Variants in FAM117B observed in about 807,000 individuals in gnomAD.
FAM117B encodes the protein family with sequence similarity 117 member B.
Under a neutral mutation model 52.8 loss-of-function variants are expected in FAM117B, and 22 were observed. The observed-to-expected ratio is 0.42, with a 90% CI of 0.30 to 0.59. FAM117B has a LOEUF of 0.59. Ranked by LOEUF, FAM117B falls within the 20% of genes least tolerant of loss-of-function variation. FAM117B has a pLI of 0.22. For missense variants in FAM117B, 678 were observed against 802.6 expected (o/e 0.84, Z 1.88); for synonymous variants, 309 against 324.1 (o/e 0.95, Z 0.50).
intron 1 of FAM117B, among the ~76,000 whole-genome samples, chr2:202,651,951 G>T (rs1029199062): frequency 1.1e-4 from 17 of 151,586 alleles, no homozygotes; most frequent in African/African-American, 3.9e-4. Context: ...TGCTTGGGAG[G>T]CTGAGGCAAG....
intron 1 of FAM117B, among the ~76,000 whole-genome samples, chr2:202,648,917 C>T (rs1473161014): frequency 6.6e-6 from 1 of 151,970 alleles, no homozygotes; most frequent in East Asian, 1.9e-4. Context: ...GCACACCTGG[C>T]TAATTTTTGT....
intron 4 of FAM117B, among the ~76,000 whole-genome samples, chr2:202,739,990 G>A (rs889850761): frequency 2.2e-4 from 33 of 151,544 alleles, no homozygotes; most frequent in Admixed American, 1.6e-3. Context: ...TGGCTAACAT[G>A]GTGAAACCCT....
chr2:202,749,185 C>T (rs1691682927), intron 4 of FAM117B, among the ~76,000 whole-genome samples: 1 of 151,980 alleles, frequency 6.6e-6, no homozygotes, highest in South Asian at 2.1e-4. Context: ...TCTTTACTAT[C>T]CTTTATGTCC....
chr2:202,638,733 C>T (rs1452241337), intron 1 of FAM117B, among the ~76,000 whole-genome samples: 2 of 152,082 alleles, frequency 1.3e-5, no homozygotes, highest in Admixed American at 1.3e-4. Flanking sequence ...CTTTGGGAGG[C>T]CGAGGCGGTG....
chr2:202,745,291 A>AAC (rs1195018329), intron 4 of FAM117B, among the ~76,000 whole-genome samples: 7 of 152,088 alleles, frequency 4.6e-5, no homozygotes, highest in Non-Finnish European at 1.0e-4. Context: ...AAAAAAAAAA[A>AAC]AAGGCAAAAT....
chr2:202,728,996 G>A (rs1171181944), intron 4 of FAM117B, among the ~76,000 whole-genome samples: 1 of 152,108 alleles, frequency 6.6e-6, no homozygotes, highest in Non-Finnish European at 1.5e-5. Flanking sequence ...CCGCAAGTCA[G>A]GCACATGTGC....
intron 3 of FAM117B, 84 bp from the exon 4 acceptor site, chr2:202,726,164 AGT>A (rs1457911733): frequency 1.2e-6 from 1 of 837,066 alleles, no homozygotes; most frequent in African/African-American, 1.7e-5. Context: ...ATTAAGGGTA[AGT>A]TTTACTGGTT....
intron 2 of FAM117B, among the ~76,000 whole-genome samples, chr2:202,708,797 T>C (rs1363533792): frequency 6.6e-6 from 1 of 152,090 alleles, no homozygotes; most frequent in African/African-American, 2.4e-5. Flanking sequence ...AGAGATGGAG[T>C]GTCACTTTGT....
At chr2:202,721,718 C>T (rs980188943) in intron 2 of FAM117B, among the ~76,000 whole-genome samples, 1 of 152,140 alleles carries the variant, frequency 6.6e-6, no homozygotes, top group Non-Finnish European at 1.5e-5. Flanking sequence ...AGTGCAGCCT[C>T]AACCTCCCAG....
intron 1 of FAM117B, among the ~76,000 whole-genome samples, chr2:202,668,699 GGGTCAAGTT>G: frequency 6.6e-6 from 1 of 151,830 alleles, no homozygotes; most frequent in South Asian, 2.1e-4. Flanking sequence ...GGTAGATTTT[GGGTCAAGTT>G]TTATTTTCTG....
rs1559091986 is a variant in FAM117B at position 202,640,295 on chromosome 2, A to ATATATATATATATAT, written c.601+4507_601+4508insTATATATATATATAT. Among the ~76,000 whole-genome samples, 13 of 51,304 alleles carry ATATATATATATATAT rather than the reference A, an allele frequency of 2.5e-4. 1 individual carries two copies. The highest frequency in any genetic ancestry group is 4.1e-4 in the Non-Finnish European group (12 of 29,210). The allele number at this position is 51,304 out of a possible 152,430, so 33.7% of individuals were successfully genotyped here. ...ACAACAACCACCACCACCACCACAA[A>ATATATATATATATAT]ATATATATATATATATATATATATA... is the stretch of plus-strand genomic sequence containing the variant. On this transcript the variant is annotated intron_variant, in intron 1 of 7. Transcript: ENST00000392238.
chr2:202,724,759 A>G (rs892943577), intron 2 of FAM117B, among the ~76,000 whole-genome samples, 158 bp from the exon 3 acceptor site: 1 of 152,198 alleles, frequency 6.6e-6, no homozygotes, highest in Non-Finnish European at 1.5e-5. Flanking sequence ...AATACCAGTT[A>G]AGTAACTGGT....
chr2:202,676,155 A>G (rs1277714863), intron 1 of FAM117B, among the ~76,000 whole-genome samples: 1 of 152,128 alleles, frequency 6.6e-6, no homozygotes, highest in African/African-American at 2.4e-5. Context: ...CCCATGTAGC[A>G]AGGAACTAGT....
intron 4 of FAM117B, among the ~76,000 whole-genome samples, chr2:202,730,779 G>C (rs923552809): frequency 6.6e-6 from 1 of 152,150 alleles, no homozygotes; most frequent in African/African-American, 2.4e-5. Context: ...CTAAATGTAA[G>C]AGCTAAACCT....
At chr2:202,752,693 C>A (rs1305395152) in intron 4 of FAM117B, among the ~76,000 whole-genome samples, 1 of 152,194 alleles carries the variant, frequency 6.6e-6, no homozygotes, top group Non-Finnish European at 1.5e-5. Context: ...GCAGAAGAAT[C>A]TGCAAGATGT....
chr2:202,720,766 A>G (rs1347272018), intron 2 of FAM117B, among the ~76,000 whole-genome samples: 2 of 152,186 alleles, frequency 1.3e-5, no homozygotes, highest in Non-Finnish European at 2.9e-5. Flanking sequence ...AAGTTTTTAA[A>G]TGAATTATTC....
chr2:202,725,122 T>C lies in FAM117B; in HGVS notation c.846+113T>C, dbSNP rs1374466683. 3 of 712,382 alleles carry C rather than the reference T, an allele frequency of 4.2e-6. No homozygotes were observed. The Admixed American group carries it at 9.5e-5, about 23-fold the overall frequency. The allele number at this position is 712,382 out of a possible 1,614,324, so 44.1% of individuals were successfully genotyped here. A position where few individuals can be genotyped will look rare whatever the true frequency, so the allele number is the denominator to read the frequency against. On this transcript the variant is annotated intron_variant, in intron 3 of 7. Coordinates refer to ENST00000392238, the MANE Select transcript of FAM117B (RefSeq NM_173511.4). ...TCGTTTTCCATTGATTTCTTTTTTCTTTTTGGCTTCTGAAATAACAAAAAC... is the reference window on the plus strand; with the variant it reads ...TCGTTTTCCATTGATTTCTTTTTTCCTTTTGGCTTCTGAAATAACAAAAAC...
intron 4 of FAM117B, among the ~76,000 whole-genome samples, chr2:202,746,364 G>A (rs944710237): frequency 6.6e-6 from 1 of 151,830 alleles, no homozygotes; most frequent in African/African-American, 2.4e-5. Context: ...AATGACCATT[G>A]GTCAATGAAG....
chr2:202,652,849 T>C (rs971855448), intron 1 of FAM117B, among the ~76,000 whole-genome samples: 3 of 152,200 alleles, frequency 2.0e-5, no homozygotes, highest in Non-Finnish European at 2.9e-5. Context: ...CTCTAGCAGT[T>C]AAACTTTTTT....
Sources: allele counts gnomAD v4.1 joint callset (sites outside exome capture counted in the v4.1 genomes callset), GRCh38; gene constraint gnomAD v4.1.1; transcripts MANE v1.5; gene names NCBI Gene and HGNC (gene_info 2026-07-23, HGNC 2026-07-21).